Variants in MDFIC observed in about 807,000 individuals in gnomAD.
The protein encoded by MDFIC is MyoD family inhibitor domain containing.
MDFIC carries 17 observed loss-of-function variants against 23.2 expected under a neutral mutation model. That is an observed-to-expected ratio of 0.73 (90% CI 0.50 to 1.10). MDFIC has a LOEUF of 1.10. MDFIC is among the 50% of genes least tolerant of loss of function. MDFIC has a pLI of 0.00. For missense variants in MDFIC, 356 were observed against 316.6 expected (o/e 1.12, Z -0.95); for synonymous variants, 120 against 115.2 (o/e 1.04, Z -0.27).
At chr7:114,932,519 A>C (rs1792333728) in intron 2 of MDFIC, among the ~76,000 whole-genome samples, 1 of 152,232 alleles carries the variant, frequency 6.6e-6, no homozygotes, top group Non-Finnish European at 1.5e-5. Context: ...GGAAATGTTG[A>C]GTCTGAGTTG....
intron 3 of MDFIC, among the ~76,000 whole-genome samples, chr7:114,972,398 C>G (rs568633838): frequency 3.7e-4 from 56 of 152,128 alleles, no homozygotes; most frequent in African/African-American, 9.7e-4. Context: ...AGCCCCACCC[C>G]ACTCTACCAC....
intron 1 of MDFIC, 59 bp from the exon 2 acceptor site, chr7:114,922,868 G>A: frequency 6.6e-7 from 1 of 1,509,746 alleles, no homozygotes; most frequent in Admixed American, 2.0e-5. Context: ...GTCCCGCAGG[G>A]GTGGTGTGCT....
intron 2 of MDFIC, 101 bp downstream of exon 2, chr7:114,923,228 G>A: frequency 7.1e-7 from 1 of 1,417,216 alleles, no homozygotes; most frequent in Non-Finnish European, 9.6e-7. Flanking sequence ...CTGTGAGGAG[G>A]GGCTCCCACT....
At position 114,942,271 on chromosome 7, in the gene MDFIC, T is replaced by G. The variant is rs1462713209; in HGVS notation, c.95-4T>G. Reference sequence around the variant, plus strand: ...TTATATTAAATGTATCTTTTTTAATTCAGGAAAATGTGATAAAGACAATAC... The same window carrying G: ...TTATATTAAATGTATCTTTTTTAATGCAGGAAAATGTGATAAAGACAATAC... On this transcript the variant is annotated splice_polypyrimidine_tract_variant and splice_region_variant and intron_variant, in intron 2 of 4. Coordinates refer to ENST00000393486, the MANE Select transcript of MDFIC (RefSeq NM_001166345.3). 1.4e-6 allele frequency: 2 copies of G among 1,467,448 alleles called. No homozygotes were observed. The highest frequency in any genetic ancestry group is 1.8e-6 in the Non-Finnish European group (2 of 1,083,990). The allele number at this position is 1,467,448 out of a possible 1,614,324, so 90.9% of individuals were successfully genotyped here. A position where few individuals can be genotyped will look rare whatever the true frequency, so the allele number is the denominator to read the frequency against.
intron 4 of MDFIC, among the ~76,000 whole-genome samples, chr7:115,002,004 G>A (rs1164289140): frequency 2.0e-5 from 3 of 152,060 alleles, no homozygotes; most frequent in African/African-American, 7.2e-5. Context: ...AGGTGTGGTG[G>A]TACATGCCTG....
At chr7:114,979,479 G>T (rs1793377044) in intron 3 of MDFIC, 27 bp from the exon 4 acceptor site, 2 of 1,556,210 alleles carry the variant, frequency 1.3e-6, no homozygotes, top group Middle Eastern at 1.7e-4. Context: ...TCTTTAACTG[G>T]CTGACTTTTT....
intron 3 of MDFIC, among the ~76,000 whole-genome samples, chr7:114,961,686 T>A (rs1007279772): frequency 5.9e-5 from 9 of 152,078 alleles, no homozygotes; most frequent in Admixed American, 5.9e-4. Context: ...GGCACATAAT[T>A]ACATGGCCAG....
intron 4 of MDFIC, among the ~76,000 whole-genome samples, chr7:114,997,763 A>G (rs942068679): frequency 8.6e-5 from 13 of 151,576 alleles, no homozygotes; most frequent in Non-Finnish European, 1.5e-4. Context: ...ACAGAAAAAA[A>G]AAAAGAAAAG....
chr7:114,959,910 C>A (rs1484978510), intron 3 of MDFIC, among the ~76,000 whole-genome samples: 1 of 151,950 alleles, frequency 6.6e-6, no homozygotes, highest in Non-Finnish European at 1.5e-5. Context: ...CCTTTCTCGT[C>A]AGCCACTTCC....
Position 114,922,328 on chromosome 7 carries a change from A to T in MDFIC, c.-416A>T. On this transcript the variant is annotated 5_prime_UTR_variant, in exon 1 of 5. Coordinates refer to ENST00000393486, the MANE Select transcript of MDFIC (RefSeq NM_001166345.3). ...GGGAGAAGTGTTTCAGGATTGTAGG[A>T]GTGGAAGAGGGGAAAGAGAGGCAGA... 9.8e-7 allele frequency: 1 copy of T among 1,017,182 alleles called. No individual in the cohort carries two copies. Among genetic ancestry groups the T allele is most frequent in the Non-Finnish European group, 1.3e-6 (1 of 792,312 alleles). The allele number at this position is 1,017,182 out of a possible 1,614,324, so 63.0% of individuals were successfully genotyped here.
intron 4 of MDFIC, among the ~76,000 whole-genome samples, chr7:115,000,884 G>A (rs980764120): frequency 3.3e-5 from 5 of 152,166 alleles, no homozygotes; most frequent in Non-Finnish European, 7.3e-5. Context: ...CAGAGGAAGT[G>A]CTTCGAAGTC....
chr7:115,005,997 TC>T (rs1199610323), intron 4 of MDFIC, among the ~76,000 whole-genome samples: 2 of 152,232 alleles, frequency 1.3e-5, no homozygotes, highest in Non-Finnish European at 2.9e-5. Flanking sequence ...CTTCGCTTCA[TC>T]TTGCCTGGCC....
At chr7:114,976,660 T>A (rs1389026551) in intron 3 of MDFIC, among the ~76,000 whole-genome samples, 1 of 152,120 alleles carries the variant, frequency 6.6e-6, no homozygotes, top group African/African-American at 2.4e-5. Flanking sequence ...TTTTTATAAA[T>A]CAGATATTAA....
At chr7:114,975,010 T>A (rs887793722) in intron 3 of MDFIC, among the ~76,000 whole-genome samples, 5 of 152,068 alleles carry the variant, frequency 3.3e-5, no homozygotes, top group African/African-American at 1.2e-4. Context: ...AAGTGGTATT[T>A]GAAATTTTGA....
chr7:115,017,361 A>C lies in MDFIC; in HGVS notation c.*1426A>C, dbSNP rs977981073. On this transcript the variant is annotated 3_prime_UTR_variant, in exon 5 of 5. Transcript: ENST00000393486. ...TTTAAATTAGGAAATTTTTAATATTAAAATCCCAGTGTTCTGAGTTATTGA... is the reference window on the plus strand; with the variant it reads ...TTTAAATTAGGAAATTTTTAATATTCAAATCCCAGTGTTCTGAGTTATTGA... 1.3e-5 allele frequency: 2 copies of C among 152,192 alleles called. No homozygotes were observed. Among genetic ancestry groups the C allele is most frequent in the Admixed American group, 1.3e-4 (2 of 15,290 alleles). The allele number at this position is 152,192 out of a possible 1,614,324, so 9.4% of individuals were successfully genotyped here.
intron 2 of MDFIC, among the ~76,000 whole-genome samples, chr7:114,931,426 A>T (rs775036415): frequency 1.2e-4 from 18 of 152,194 alleles, no homozygotes; most frequent in Non-Finnish European, 2.1e-4. Flanking sequence ...ATTAATTTTT[A>T]TGCTAGCACA....
chr7:114,942,340 G>GGCTATT lies in MDFIC; in HGVS notation c.161_162insCTATTG (p.Gly54_Glu55insTyrTer). On this transcript the variant is annotated stop_gained and inframe_insertion, in exon 3 of 5. Coordinates refer to ENST00000393486, the MANE Select transcript of MDFIC (RefSeq NM_001166345.3). LOFTEE classifies it high-confidence loss of function. ...AGCTACCAATAGCCACTTCACACAT[G>GGCTATT]GAGAGATGCAAGACCAGTCCATTTG... The GGCTATT allele has an allele frequency of 1.2e-6, 2 of 1,605,430 alleles. No homozygotes were observed. The highest frequency in any genetic ancestry group is 1.7e-6 in the Non-Finnish European group (2 of 1,173,852).
rs1791865385 is a variant in MDFIC at position 115,019,815 on chromosome 7, CACTT to C, written c.*3884_*3887del. On this transcript the variant is annotated 3_prime_UTR_variant, in exon 5 of 5. Coordinates refer to ENST00000393486, the MANE Select transcript of MDFIC (RefSeq NM_001166345.3). ...TAATATATTAATAGGGTTTGTTCCA[CACTT>C]ACTATTTATAGTTTTTATAATCAAG... Among the ~76,000 whole-genome samples the C allele has an allele frequency of 6.6e-6, 1 of 152,228 alleles. No homozygotes were observed. Among genetic ancestry groups the C allele is most frequent in the South Asian group, 2.1e-4 (1 of 4,826 alleles).
intron 3 of MDFIC, among the ~76,000 whole-genome samples, chr7:114,978,292 A>G (rs572552276): frequency 1.1e-4 from 17 of 152,110 alleles, no homozygotes; most frequent in Non-Finnish European, 2.1e-4. Flanking sequence ...ACATTTTTGG[A>G]TCAGCTTGTC....
Sources: allele counts gnomAD v4.1 joint callset (sites outside exome capture counted in the v4.1 genomes callset), GRCh38; gene constraint gnomAD v4.1.1; transcripts MANE v1.5; gene names NCBI Gene and HGNC (gene_info 2026-07-23, HGNC 2026-07-21).